Variants in ADPGK observed in about 807,000 individuals in gnomAD.
ADPGK encodes ADP-dependent glucokinase.
Under a neutral mutation model 42.4 loss-of-function variants are expected in ADPGK, and 26 were observed. The observed-to-expected ratio is 0.61, with a 90% CI of 0.45 to 0.85. The LOEUF (loss-of-function observed/expected upper bound fraction) is 0.85, where lower values mean the gene tolerates loss of function less well. Ranked by LOEUF, ADPGK falls within the 40% of genes least tolerant of loss-of-function variation. The pLI, the probability that ADPGK is intolerant of heterozygous loss-of-function variation, is 0.00. For synonymous variants in ADPGK, 267 were observed against 252.6 expected (o/e 1.06, Z -0.54); for missense variants, 571 against 627.0 (o/e 0.91, Z 0.95).
intron 3 of ADPGK, among the ~76,000 whole-genome samples, chr15:72,762,268 C>A (rs2066205229): frequency 6.6e-6 from 1 of 152,176 alleles, no homozygotes; most frequent in African/African-American, 2.4e-5. Flanking sequence ...AACTCAGCCT[C>A]CCAACTTGCT....
chr15:72,754,197 G>A (rs559239297), intron 6 of ADPGK, among the ~76,000 whole-genome samples: 1 of 152,034 alleles, frequency 6.6e-6, no homozygotes, highest in South Asian at 2.1e-4. Flanking sequence ...GGAACCTGCA[G>A]ATAGGGAGGG....
In ADPGK at chr15:72,783,477, CAGCGCCGGACT is replaced by C; in HGVS notation, c.204_214del (p.Val69AlafsTer12). On this transcript the variant is annotated frameshift_variant, in exon 1 of 7. Coordinates refer to ENST00000456471, the MANE Select transcript of ADPGK (RefSeq NM_001365225.1). LOFTEE classifies it high-confidence loss of function. The stretch of plus-strand genomic sequence containing the variant: ...CACTCACCCCACTGCCACGCGGCGC[CAGCGCCGGACT>C]GGCCGCACGATAAGCGCGTCCCAGG... The C allele has an allele frequency of 1.4e-6, 2 of 1,395,078 alleles. No individual in the cohort carries two copies. The highest frequency in any genetic ancestry group is 1.8e-6 in the Non-Finnish European group (2 of 1,081,326). The allele number at this position is 1,395,078 out of a possible 1,614,324, so 86.4% of individuals were successfully genotyped here.
chr15:72,774,044 T>C (rs1014019062), intron 2 of ADPGK, among the ~76,000 whole-genome samples: 1 of 152,134 alleles, frequency 6.6e-6, no homozygotes, highest in Non-Finnish European at 1.5e-5. Context: ...GGTTTCACCA[T>C]GTTGCCCAGG....
Position 72,752,345 on chromosome 15 carries a change from T to C in ADPGK, c.1490A>G (p.Tyr497Cys), listed in dbSNP as rs761503818. The C allele has an allele frequency of 1.9e-6, 3 of 1,610,266 alleles. No individual in the cohort carries two copies. Among genetic ancestry groups the C allele is most frequent in the Non-Finnish European group, 1.7e-6 (2 of 1,177,390 alleles). The change falls in exon 7 of 7, where the codon TAT (tyrosine) becomes TGT (cysteine). Residue 497 changes from tyrosine (Y) to cysteine (C), a missense_variant. Tyr to Cys is a radical substitution (Grantham distance 194). Coordinates refer to ENST00000456471, the MANE Select transcript of ADPGK (RefSeq NM_001365225.1). The part of the protein sequence containing the change: ...GLFYSEVHPH[Y>C] ...AAATTACCCCTAAGAATCTTCCTAA[T>C]AGTGAGGGTGTACTTCCGAATAGAA...
chr15:72,771,978 G>A, intron 2 of ADPGK, 133 bp from the exon 3 acceptor site: 1 of 587,656 alleles, frequency 1.7e-6, no homozygotes, highest in African/African-American at 1.9e-5. Flanking sequence ...TACATCAAAG[G>A]ACACACAGAT....
intron 3 of ADPGK, among the ~76,000 whole-genome samples, chr15:72,769,062 A>G (rs1392066170): frequency 1.3e-5 from 2 of 152,206 alleles, no homozygotes; most frequent in Non-Finnish European, 2.9e-5. Flanking sequence ...AACCACAGAC[A>G]TTACAAGAAA....
chr15:72,776,283 T>A (rs1341165228), intron 1 of ADPGK, among the ~76,000 whole-genome samples: 1 of 152,178 alleles, frequency 6.6e-6, no homozygotes, highest in Non-Finnish European at 1.5e-5. Flanking sequence ...GATGAGGTCT[T>A]CCCGCCCCTA....
intron 5 of ADPGK, chr15:72,755,908 A>G: frequency 1.5e-6 from 1 of 649,646 alleles, no homozygotes; most frequent in Non-Finnish European, 2.9e-6. Context: ...CTGCTGTACG[A>G]ATCTGTAGGA....
intron 3 of ADPGK, among the ~76,000 whole-genome samples, chr15:72,761,373 G>GAATAA (rs2066190992): frequency 1.3e-5 from 2 of 152,232 alleles, no homozygotes; most frequent in South Asian, 4.1e-4. Context: ...CTCATTTGTG[G>GAATAA]AATAAAATTC....
chr15:72,760,682 G>A (rs1337154420), intron 3 of ADPGK, among the ~76,000 whole-genome samples, 155 bp from the exon 4 acceptor site: 1 of 152,128 alleles, frequency 6.6e-6, no homozygotes, highest in Non-Finnish European at 1.5e-5. Flanking sequence ...GTCTGGAGGT[G>A]TGCGGCAGAA....
chr15:72,780,899 C>T (rs1449611734), intron 1 of ADPGK, among the ~76,000 whole-genome samples: 3 of 152,336 alleles, frequency 2.0e-5, no homozygotes, highest in East Asian at 3.9e-4. Context: ...CTCACCTCTT[C>T]TACATCATTG....
chr15:72,780,609 C>A (rs188437728), intron 1 of ADPGK, among the ~76,000 whole-genome samples: 1 of 152,246 alleles, frequency 6.6e-6, no homozygotes, highest in Admixed American at 6.5e-5. Flanking sequence ...CCAGCCTGAG[C>A]AACTTGGCAA....
chr15:72,783,721 C>T lies in ADPGK; in HGVS notation c.-30G>A, dbSNP rs1339437242. 5 of 1,432,322 alleles carry T rather than the reference C, an allele frequency of 3.5e-6. No homozygotes were observed. The African/African-American group carries it at 4.5e-5, about 13-fold the overall frequency. The allele number at this position is 1,432,322 out of a possible 1,614,324, so 88.7% of individuals were successfully genotyped here. On this transcript the variant is annotated 5_prime_UTR_variant, in exon 1 of 7. Transcript: ENST00000456471. ...ACCCAGGCGCCGCACCTGCGCGAAC[C>T]AACTCCTTTCCTAGCCCGCGCCTCT...
At chr15:72,758,603 T>A (rs1290429997) in intron 4 of ADPGK, 1 of 200,350 alleles carries the variant, frequency 5.0e-6, no homozygotes, top group African/African-American at 2.3e-5. Context: ...CTGCTTTGTA[T>A]GCAGAAGAGG....
intron 3 of ADPGK, among the ~76,000 whole-genome samples, chr15:72,764,996 GA>G (rs56080191): frequency 0.73 from 99,877 of 136,556 alleles, 35,561 homozygotes; most frequent in Non-Finnish European, 0.79. Flanking sequence ...CTACTGCTCA[GA>G]AAAAAAAAAA....
At chr15:72,773,899 C>T (rs1160487783) in intron 2 of ADPGK, among the ~76,000 whole-genome samples, 1 of 152,218 alleles carries the variant, frequency 6.6e-6, no homozygotes, top group African/African-American at 2.4e-5. Flanking sequence ...GACAGGGTCA[C>T]ACCCTGTTGC....
Position 72,752,390 on chromosome 15 carries a change from G to A in ADPGK, c.1445C>T (p.Ala482Val), listed in dbSNP as rs867467979. The change falls in exon 7 of 7, where the codon GCC becomes GTC. Residue 482 changes from alanine (A) to valine (V), a missense_variant. This residue lies in a region of ADPGK where 434 missense variants were observed against 522.7 expected (regional missense o/e 0.83). Transcript: ENST00000456471. ...DPIRTVGLGD[A>V]ISAEGLFYSE... ...ATAGAAGAGTCCTTCGGCTGAAATG[G>A]CATCTCCAAGGCCTACAGTTCGAAT... The A allele has an allele frequency of 6.2e-7, 1 of 1,614,162 alleles. No homozygotes were observed. Among genetic ancestry groups the A allele is most frequent in the Non-Finnish European group, 8.5e-7 (1 of 1,180,012 alleles).
intron 2 of ADPGK, among the ~76,000 whole-genome samples, chr15:72,772,734 A>C (rs529829282): frequency 3.2e-4 from 48 of 152,290 alleles, no homozygotes; most frequent in Middle Eastern, 3.4e-3. Flanking sequence ...TGGGAAACAT[A>C]AAAGTTTTCC....
chr15:72,766,743 G>A (rs958029896), intron 3 of ADPGK, among the ~76,000 whole-genome samples: 4 of 151,990 alleles, frequency 2.6e-5, no homozygotes, highest in Admixed American at 6.6e-5. Flanking sequence ...AAAGTAGACC[G>A]TGATAAGCTA....
Sources: allele counts gnomAD v4.1 joint callset (sites outside exome capture counted in the v4.1 genomes callset), GRCh38; gene constraint gnomAD v4.1.1; regional missense constraint gnomAD v4.1.1; transcripts MANE v1.5; gene names NCBI Gene and HGNC (gene_info 2026-07-23, HGNC 2026-07-21).